The following CDK5RAP2 variants were observed in gnomAD, a reference collection of about 807,000 sequenced individuals.
CDK5RAP2 encodes CDK5 regulatory subunit-associated protein 2.
A neutral mutation model predicts 232.9 loss-of-function variants in CDK5RAP2; 147 were observed. That is an observed-to-expected ratio of 0.63 (90% CI 0.55 to 0.72). The LOEUF is 0.72. Among genes scored for constraint, CDK5RAP2 ranks in the 30% least tolerant of loss-of-function variants. The pLI is 0.00. For synonymous variants in CDK5RAP2, 833 were observed against 833.7 expected (o/e 1.00, Z 0.01); for missense variants, 2,195 against 2,231.5 (o/e 0.98, Z 0.33).
chr9:120,568,961 T>C (rs1334314700), intron 2 of CDK5RAP2, among the ~76,000 whole-genome samples: 3 of 152,220 alleles, frequency 2.0e-5, no homozygotes, highest in Non-Finnish European at 4.4e-5. Context: ...ACTGCTGACC[T>C]GTTTTAAAGA....
intron 18 of CDK5RAP2, among the ~76,000 whole-genome samples, chr9:120,462,666 G>C (rs1483310190): frequency 1.3e-5 from 2 of 152,196 alleles, no homozygotes; most frequent in Admixed American, 6.5e-5. Context: ...AGAATATACT[G>C]TATGACTCCA....
chr9:120,530,966 C>A (rs991175520), intron 7 of CDK5RAP2, among the ~76,000 whole-genome samples: 21 of 151,736 alleles, frequency 1.4e-4, no homozygotes, highest in Non-Finnish European at 2.9e-4. Flanking sequence ...TGTAACAAAC[C>A]TGCATGTTGT....
intron 5 of CDK5RAP2, among the ~76,000 whole-genome samples, chr9:120,541,005 T>C (rs993132453): frequency 9.8e-5 from 15 of 152,380 alleles, no homozygotes; most frequent in African/African-American, 3.1e-4. Context: ...ATCACTGTCT[T>C]GAATTCACAG....
At chr9:120,485,333 T>C (rs1428342419) in intron 14 of CDK5RAP2, among the ~76,000 whole-genome samples, 1 of 149,990 alleles carries the variant, frequency 6.7e-6, no homozygotes, top group Non-Finnish European at 1.5e-5. Flanking sequence ...TCTTGCTCTG[T>C]TGCCAGGCTG....
intron 1 of CDK5RAP2, among the ~76,000 whole-genome samples, chr9:120,577,081 G>C (rs921299385): frequency 6.6e-6 from 1 of 152,120 alleles, no homozygotes; most frequent in African/African-American, 2.4e-5. Context: ...ATAGAGACAG[G>C]CTGGGCGCAA....
intron 14 of CDK5RAP2, among the ~76,000 whole-genome samples, chr9:120,480,277 C>CA (rs2038230421): frequency 6.6e-6 from 1 of 152,140 alleles, no homozygotes; most frequent in African/African-American, 2.4e-5. Context: ...TTAAAATTTA[C>CA]AGGCTGTAGG....
chr9:120,482,275 C>T lies in CDK5RAP2; in HGVS notation c.1627-4825G>A, dbSNP rs373671134. Among the ~76,000 whole-genome samples, 46 of 152,316 alleles carry T rather than the reference C, an allele frequency of 3.0e-4. 1 individual carries two copies. The East Asian group carries it at 6.6e-3, about 22-fold the overall frequency. Reference sequence around the variant, plus strand: ...GGACCTCTGCAGGCTGGCTCTTAGTCCTAGAGGAGGACAGCCCACTGCCTG... The same window carrying T: ...GGACCTCTGCAGGCTGGCTCTTAGTTCTAGAGGAGGACAGCCCACTGCCTG... On this transcript the variant is annotated intron_variant, in intron 14 of 37. Transcript: ENST00000349780.
intron 18 of CDK5RAP2, among the ~76,000 whole-genome samples, chr9:120,462,868 T>C (rs1197520601): frequency 1.3e-5 from 2 of 152,196 alleles, no homozygotes; most frequent in Non-Finnish European, 2.9e-5. Flanking sequence ...CTATAAGCAT[T>C]TATTGAAGAT....
intron 22 of CDK5RAP2, among the ~76,000 whole-genome samples, chr9:120,445,639 C>T (rs1341936356): frequency 2.6e-5 from 4 of 152,226 alleles, no homozygotes; most frequent in Admixed American, 1.3e-4. Context: ...CTAATCCCCT[C>T]CTTACTCAGC....
At chr9:120,488,114 T>A (rs980968790) in intron 13 of CDK5RAP2, among the ~76,000 whole-genome samples, 1 of 152,190 alleles carries the variant, frequency 6.6e-6, no homozygotes, top group Non-Finnish European at 1.5e-5. Flanking sequence ...AATCTATTCC[T>A]AACTATTTAA....
At position 120,409,230 on chromosome 9, in the gene CDK5RAP2, C is replaced by A. The variant is rs1384552768; in HGVS notation, c.4501G>T (p.Val1501Leu). The A allele has an allele frequency of 5.0e-6, 8 of 1,614,108 alleles. No individual in the cohort carries two copies. Among genetic ancestry groups the A allele is most frequent in the Non-Finnish European group, 6.8e-6 (8 of 1,180,006 alleles). ...LEHLQREYASVKEENERLQKE... is the reference protein window; with the variant it reads ...LEHLQREYASLKEENERLQKE... ...TGCAGCCTTTCATTTTCTTCCTTCA[C>A]GCTGGCATACTCCCGCTGAAGGTGC... The change falls in exon 30 of 38, where the codon GTG (valine) becomes TTG (leucine). Residue 1501 changes from valine to leucine, a missense_variant. By Grantham distance (32) the Val-to-Leu change is conservative. Transcript: ENST00000349780.
At chr9:120,468,954 C>T (rs372028081) in intron 17 of CDK5RAP2, among the ~76,000 whole-genome samples, 1 of 152,136 alleles carries the variant, frequency 6.6e-6, no homozygotes, top group South Asian at 2.1e-4. Context: ...AAAATTGGAT[C>T]GAATCCTCAA....
At chr9:120,447,406 T>C (rs1387430968) in intron 22 of CDK5RAP2, among the ~76,000 whole-genome samples, 2 of 152,164 alleles carry the variant, frequency 1.3e-5, no homozygotes, top group East Asian at 3.8e-4. Context: ...GGCTGTTGTC[T>C]TGCCTCCCAG....
intron 20 of CDK5RAP2, among the ~76,000 whole-genome samples, chr9:120,457,308 T>C (rs2036837335): frequency 6.6e-6 from 1 of 152,184 alleles, no homozygotes; most frequent in Non-Finnish European, 1.5e-5. Context: ...ACCACGCTCC[T>C]ACCACAGCCC....
At chr9:120,572,802 C>T (rs2042901053) in intron 1 of CDK5RAP2, among the ~76,000 whole-genome samples, 1 of 152,202 alleles carries the variant, frequency 6.6e-6, no homozygotes, top group South Asian at 2.1e-4. Flanking sequence ...TGCAAGGTAC[C>T]TTGTGGGTAC....
chr9:120,498,578 C>G (rs2039427168), intron 12 of CDK5RAP2, among the ~76,000 whole-genome samples: 1 of 152,138 alleles, frequency 6.6e-6, no homozygotes, highest in Non-Finnish European at 1.5e-5. Flanking sequence ...CATAATGTTG[C>G]ATCAATGTTA....
At chr9:120,481,661 C>T (rs2038322131) in intron 14 of CDK5RAP2, among the ~76,000 whole-genome samples, 1 of 151,954 alleles carries the variant, frequency 6.6e-6, no homozygotes, top group African/African-American at 2.4e-5. Context: ...CACAGGCGCA[C>T]ACCGCCACAC....
Position 120,409,038 on chromosome 9 carries a change from C to A in CDK5RAP2, c.4604+89G>T. ...TACTGCCTGCCACTGTGCACTAAGG[C>A]AGAGGCCTGCGTGCTGATTCCACGA... is the stretch of plus-strand genomic sequence containing the variant. On this transcript the variant is annotated intron_variant, in intron 30 of 37. Coordinates refer to ENST00000349780, the MANE Select transcript of CDK5RAP2 (RefSeq NM_018249.6). The A allele has an allele frequency of 8.7e-6, 11 of 1,261,720 alleles. No individual in the cohort carries two copies. In the South Asian group the frequency reaches 1.3e-4, roughly 15 times the overall value. The allele number at this position is 1,261,720 out of a possible 1,614,324, so 78.2% of individuals were successfully genotyped here.
At chr9:120,480,779 G>C (rs771960808) in intron 14 of CDK5RAP2, among the ~76,000 whole-genome samples, 2 of 152,168 alleles carry the variant, frequency 1.3e-5, no homozygotes, top group Non-Finnish European at 2.9e-5. Context: ...GACAAAACAA[G>C]GCCAAGGCAC....
Sources: allele counts gnomAD v4.1 joint callset (sites outside exome capture counted in the v4.1 genomes callset), GRCh38; gene constraint gnomAD v4.1.1; transcripts MANE v1.5; gene names NCBI Gene and HGNC (gene_info 2026-07-23, HGNC 2026-07-21).